The following CLOCK variants were observed in gnomAD, a reference collection of about 807,000 sequenced individuals.
CLOCK encodes circadian locomoter output cycles protein kaput.
Under a neutral mutation model 118.4 loss-of-function variants are expected in CLOCK, and 43 were observed. The observed-to-expected ratio is 0.36, with a 90% CI of 0.28 to 0.47. The LOEUF is 0.47. CLOCK is among the 20% of genes least tolerant of loss of function. The probability of loss-of-function intolerance (pLI) is 1.00; values close to 1 mark genes in which losing one functional copy is unlikely to be tolerated. For synonymous variants in CLOCK, 326 were observed against 339.2 expected (o/e 0.96, Z 0.43); for missense variants, 846 against 999.9 (o/e 0.85, Z 2.08).
At chr4:55,505,053 C>G (rs1728711145) in intron 2 of CLOCK, among the ~76,000 whole-genome samples, 1 of 151,564 alleles carries the variant, frequency 6.6e-6, no homozygotes, top group Non-Finnish European at 1.5e-5. Flanking sequence ...TATGGTGGCA[C>G]ACACCTGTAG....
chr4:55,444,999 A>G (rs1723686179), intron 18 of CLOCK, among the ~76,000 whole-genome samples: 1 of 152,136 alleles, frequency 6.6e-6, no homozygotes, highest in South Asian at 2.1e-4. Context: ...AGCAGGCACA[A>G]AGTTATCCAC....
chr4:55,511,446 T>C (rs1167228025), intron 1 of CLOCK, among the ~76,000 whole-genome samples: 1 of 152,166 alleles, frequency 6.6e-6, no homozygotes, highest in Non-Finnish European at 1.5e-5. Context: ...CTTTAGAACA[T>C]TAATTTGGTT....
At chr4:55,514,262 T>G (rs1729341386) in intron 1 of CLOCK, among the ~76,000 whole-genome samples, 1 of 152,134 alleles carries the variant, frequency 6.6e-6, no homozygotes, top group South Asian at 2.1e-4. Flanking sequence ...CTCACATTCA[T>G]AAAATACTTT....
chr4:55,446,850 T>C (rs1723892644), intron 18 of CLOCK, among the ~76,000 whole-genome samples: 1 of 152,206 alleles, frequency 6.6e-6, no homozygotes, highest in Admixed American at 6.5e-5. Context: ...GAACTGTATG[T>C]AAAAGTGAGA....
chr4:55,505,456 G>A (rs1476216620), intron 2 of CLOCK, among the ~76,000 whole-genome samples: 1 of 151,970 alleles, frequency 6.6e-6, no homozygotes, highest in Non-Finnish European at 1.5e-5. Flanking sequence ...TAGAGCTCAG[G>A]AGTTCAAGAC....
At chr4:55,454,640 G>C (rs994916058) in intron 13 of CLOCK, among the ~76,000 whole-genome samples, 1 of 148,576 alleles carries the variant, frequency 6.7e-6, no homozygotes, top group East Asian at 2.0e-4. Context: ...AAAAAAAAAG[G>C]GTTTGTAGTT....
chr4:55,473,224 CA>C (rs71194572), intron 7 of CLOCK, among the ~76,000 whole-genome samples: 1,563 of 136,054 alleles, frequency 0.011, 8 homozygotes, highest in Non-Finnish European at 0.017. Context: ...CTCCGTCTCC[CA>C]AAAAAAAAAA....
At chr4:55,466,244 C>T (rs1725731550) in intron 8 of CLOCK, among the ~76,000 whole-genome samples, 1 of 151,968 alleles carries the variant, frequency 6.6e-6, no homozygotes, top group African/African-American at 2.4e-5. Flanking sequence ...GGGGCTTTTC[C>T]CCTTTTGGCT....
chr4:55,537,947 T>G (rs1241543787), intron 1 of CLOCK, among the ~76,000 whole-genome samples: 1 of 151,840 alleles, frequency 6.6e-6, no homozygotes, highest in Non-Finnish European at 1.5e-5. Flanking sequence ...GGAAAGGAAA[T>G]AAAGACCAGG....
At chr4:55,453,247 G>T in intron 14 of CLOCK, 118 bp from the exon 15 acceptor site, 1 of 851,710 alleles carries the variant, frequency 1.2e-6, no homozygotes, top group Non-Finnish European at 1.9e-6. Context: ...TATTTGCTAT[G>T]TGCTACACAA....
chr4:55,481,352 C>T (rs1047619149), intron 4 of CLOCK, among the ~76,000 whole-genome samples: 1 of 152,040 alleles, frequency 6.6e-6, no homozygotes, highest in Non-Finnish European at 1.5e-5. Context: ...AGATAAGGAA[C>T]CCATATTAAT....
chr4:55,543,288 G>A (rs901996617), intron 1 of CLOCK, among the ~76,000 whole-genome samples: 26 of 152,124 alleles, frequency 1.7e-4, no homozygotes, highest in Admixed American at 8.5e-4. Flanking sequence ...GTGAAAAGAT[G>A]AGTATGACCT....
chr4:55,530,723 C>T (rs1037121105), intron 1 of CLOCK, among the ~76,000 whole-genome samples: 7 of 133,038 alleles, frequency 5.3e-5, no homozygotes, highest in South Asian at 2.4e-4. Flanking sequence ...TGCAGTGAGC[C>T]GAGATTGTGC....
chr4:55,513,228 C>T (rs1470444332), intron 1 of CLOCK, among the ~76,000 whole-genome samples: 1 of 152,098 alleles, frequency 6.6e-6, no homozygotes, highest in East Asian at 1.9e-4. Flanking sequence ...CATTCAGATA[C>T]ACAAACTCTT....
At chr4:55,437,538 G>A (rs529860796) in intron 22 of CLOCK, among the ~76,000 whole-genome samples, 3 of 152,234 alleles carry the variant, frequency 2.0e-5, no homozygotes, top group Non-Finnish European at 4.4e-5. Context: ...CTATATTTTG[G>A]CTAATCCAAG....
chr4:55,435,449 CTG>C lies in CLOCK; in HGVS notation c.2505_2506del (p.Asp835GlufsTer36). On this transcript the variant is annotated frameshift_variant, in exon 23 of 23. Transcript: ENST00000513440. LOFTEE classifies it high-confidence loss of function. ...TTGAACCTTGGAAGGGTCGGGCAAG[CTG>C]TCAGTCCTGTGCCGGCTGAGTTGCT... 6.2e-7 allele frequency: 1 copy of C among 1,614,024 alleles called. No individual in the cohort carries two copies. Among genetic ancestry groups the C allele is most frequent in the Middle Eastern group, 1.7e-4 (1 of 6,058 alleles).
intron 1 of CLOCK, among the ~76,000 whole-genome samples, chr4:55,536,205 TA>T (rs1455371479): frequency 6.6e-6 from 1 of 152,074 alleles, no homozygotes; most frequent in African/African-American, 2.4e-5. Context: ...ACAAGACCAA[TA>T]GGCTTTGAAA....
At chr4:55,519,331 G>A (rs1469495504) in intron 1 of CLOCK, among the ~76,000 whole-genome samples, 2 of 152,236 alleles carry the variant, frequency 1.3e-5, no homozygotes, top group African/African-American at 4.8e-5. Flanking sequence ...CACTGGGATT[G>A]TAGGTGCAAG....
intron 2 of CLOCK, among the ~76,000 whole-genome samples, chr4:55,502,019 A>G (rs1029577623): frequency 6.6e-6 from 1 of 152,224 alleles, no homozygotes; most frequent in African/African-American, 2.4e-5. Context: ...AAAGACATAT[A>G]AGACCTGTTT....
Sources: allele counts gnomAD v4.1 joint callset (sites outside exome capture counted in the v4.1 genomes callset), GRCh38; gene constraint gnomAD v4.1.1; transcripts MANE v1.5; gene names NCBI Gene and HGNC (gene_info 2026-07-23, HGNC 2026-07-21).